MACF1: variants seen among roughly 807,000 people sequenced by gnomAD.
The protein encoded by MACF1 is microtubule actin crosslinking factor 1.
Under a neutral mutation model 854.8 loss-of-function variants are expected in MACF1, and 193 were observed. That is an observed-to-expected ratio of 0.23 (90% CI 0.20 to 0.25). MACF1 has a LOEUF of 0.25. Ranked by LOEUF, MACF1 falls within the 10% of genes least tolerant of loss-of-function variation. The pLI, the probability that MACF1 is intolerant of heterozygous loss-of-function variation, is 1.00. For missense variants in MACF1, 7,722 were observed against 8,929.1 expected (o/e 0.86, Z 5.45); for synonymous variants, 3,185 against 3,226.7 (o/e 0.99, Z 0.44).
Position 39,427,548 on chromosome 1 carries a change from G to A in MACF1, c.16410G>A (p.Lys5470=). The A allele has an allele frequency of 1.9e-6, 3 of 1,614,108 alleles. No homozygotes were observed. Among genetic ancestry groups the A allele is most frequent in the Non-Finnish European group, 2.5e-6 (3 of 1,180,000 alleles). ...ACTTCTTATCTGTCACAGAGAAAAA[G>A]CTTGCTAACTCAGAACCTGTTGGCA... ...ISDFLSVTEK[K]LANSEPVGTQ... The change falls in exon 62 of 101, where the codon AAG becomes AAA. Residue 5470 remains lysine (K), a synonymous_variant. Transcript: ENST00000564288.
rs1644515835 is a variant in MACF1 at position 39,459,755 on chromosome 1, C to T, written c.21360+506C>T. 2.6e-6 allele frequency: 3 copies of T among 1,148,394 alleles called. No individual in the cohort carries two copies. In the Admixed American group the frequency reaches 7.5e-5, roughly 29 times the overall value. The allele number at this position is 1,148,394 out of a possible 1,614,324, so 71.1% of individuals were successfully genotyped here. A position where few individuals can be genotyped will look rare whatever the true frequency, so the allele number is the denominator to read the frequency against. On this transcript the variant is annotated intron_variant, in intron 91 of 100. Coordinates refer to ENST00000564288, the MANE Select transcript of MACF1 (RefSeq NM_001394062.1). Reference sequence around the variant, plus strand: ...CCAGTATAAAAAATATAGTACTATGCTTCCTAGTTTCTAAAACAAGCCTCT... The same window carrying T: ...CCAGTATAAAAAATATAGTACTATGTTTCCTAGTTTCTAAAACAAGCCTCT...
intron 26 of MACF1, among the ~76,000 whole-genome samples, chr1:39,314,799 G>T (rs551579620): frequency 6.6e-6 from 1 of 152,274 alleles, no homozygotes; most frequent in South Asian, 2.1e-4. Context: ...ACTCACTGCA[G>T]TAAACAAACC....
At chr1:39,102,914 C>G (rs1241182322) in intron 2 of MACF1, 5 of 702,140 alleles carry the variant, frequency 7.1e-6, no homozygotes, top group East Asian at 5.4e-5. Context: ...TCCCATCCCC[C>G]CTGGCAGCCG....
At chr1:39,284,239 C>T (rs1195685312) in intron 10 of MACF1, 54 bp downstream of exon 10, 11 of 1,596,674 alleles carry the variant, frequency 6.9e-6, no homozygotes, top group Non-Finnish European at 9.4e-6. Context: ...GAGTAAGTCT[C>T]CAAGCTTATC....
intron 78 of MACF1, 73 bp downstream of exon 78, chr1:39,442,984 A>G: frequency 6.9e-7 from 1 of 1,443,858 alleles, no homozygotes. Context: ...CAGAGAGAAG[A>G]GATCAATTTG....
chr1:39,169,720 G>A (rs1412509786), intron 2 of MACF1, among the ~76,000 whole-genome samples: 1 of 149,900 alleles, frequency 6.7e-6, no homozygotes, highest in Non-Finnish European at 1.5e-5. Flanking sequence ...GTTCCTCATT[G>A]TGTCTTATCC....
chr1:39,359,289 G>GTAC (rs772465534), intron 47 of MACF1, 25 bp downstream of exon 47: 1 of 1,612,648 alleles, frequency 6.2e-7, no homozygotes, highest in African/African-American at 1.3e-5. Context: ...CAGTATAATA[G>GTAC]TACTCCCTTA....
intron 58 of MACF1, among the ~76,000 whole-genome samples, chr1:39,393,448 A>T (rs996919865): frequency 2.0e-5 from 3 of 151,626 alleles, no homozygotes; most frequent in Non-Finnish European, 4.4e-5. Context: ...CTTGTTTTTC[A>T]TATGTATTTA....
chr1:39,297,797 T>C, intron 21 of MACF1, 52 bp downstream of exon 21: 1 of 1,599,076 alleles, frequency 6.3e-7, no homozygotes, highest in Non-Finnish European at 8.5e-7. Flanking sequence ...GAGTAAACCA[T>C]ATCAGCTGCT....
chr1:39,111,508 G>A (rs189109176), intron 2 of MACF1, among the ~76,000 whole-genome samples: 5 of 151,758 alleles, frequency 3.3e-5, no homozygotes, highest in African/African-American at 7.3e-5. Flanking sequence ...TCAGCCTCCC[G>A]AGTAGCTGGG....
chr1:39,357,545 A>G lies in MACF1; in HGVS notation c.11595A>G (p.Ser3865=). Residue 3865 remains serine (S), a synonymous_variant, in exon 45 of 101, where the codon TCA becomes TCG. Transcript: ENST00000564288. ...AATACTCTACTTCCCTGGCCCAATC[A>G]GAGGCAGAACTGAAGCAGGTGCAGA... ...KEQYSTSLAQ[S]EAELKQVQTL... The G allele has an allele frequency of 6.2e-7, 1 of 1,614,192 alleles. No homozygotes were observed. Among genetic ancestry groups the G allele is most frequent in the Non-Finnish European group, 8.5e-7 (1 of 1,180,034 alleles).
intron 2 of MACF1, among the ~76,000 whole-genome samples, chr1:39,120,744 G>A (rs1174173218): frequency 6.6e-6 from 1 of 152,164 alleles, no homozygotes; most frequent in Non-Finnish European, 1.5e-5. Context: ...AGGTACATGA[G>A]ATGTTTTGAT....
intron 58 of MACF1, among the ~76,000 whole-genome samples, chr1:39,400,609 C>T (rs1642440901): frequency 6.6e-6 from 1 of 151,898 alleles, no homozygotes; most frequent in Non-Finnish European, 1.5e-5. Flanking sequence ...TAGGCTCAAG[C>T]GATCCTCCTG....
Position 39,334,645 on chromosome 1 carries a change from C to T in MACF1, c.8057C>T (p.Ala2686Val). 2 of 1,614,000 alleles carry T rather than the reference C, an allele frequency of 1.2e-6. No homozygotes were observed. Among genetic ancestry groups the T allele is most frequent in the South Asian group, 2.2e-5 (2 of 91,064 alleles). The part of the protein sequence containing the change: ...DFASTLKVLE[A>V]QANTGGIIDT... ...GCATCTACGCTGAAGGTTCTAGAAG[C>T]CCAGGCAAATACTGGTGGAATCATA... The change falls in exon 37 of 101, where the codon GCC (alanine) becomes GTC (valine). Residue 2686 changes from alanine (A) to valine (V), a missense_variant. Ala to Val is a moderately conservative substitution (Grantham distance 64). This residue lies in a region of MACF1 where 1,531 missense variants were observed against 1,601.6 expected (regional missense o/e 0.96). Coordinates refer to ENST00000564288, the MANE Select transcript of MACF1 (RefSeq NM_001394062.1).
At chr1:39,250,312 T>G (rs1645026684) in intron 3 of MACF1, 1 of 355,918 alleles carries the variant, frequency 2.8e-6, no homozygotes, top group African/African-American at 2.1e-5. Flanking sequence ...TATGTTCTCA[T>G]TTCTTGATGA....
At chr1:39,191,696 A>C (rs1411645341) in intron 2 of MACF1, among the ~76,000 whole-genome samples, 1 of 152,196 alleles carries the variant, frequency 6.6e-6, no homozygotes, top group Non-Finnish European at 1.5e-5. Flanking sequence ...TCCAAAGTAG[A>C]AGCTGTGGTC....
Position 39,293,483 on chromosome 1 carries a change from A to G in MACF1, c.2018A>G (p.His673Arg). Residue 673 changes from histidine (H) to arginine (R), a missense_variant, in exon 18 of 101, where the codon CAC becomes CGC. This residue lies in a region of MACF1 where 1,137 missense variants were observed against 1,263.0 expected (regional missense o/e 0.90). Coordinates refer to ENST00000564288, the MANE Select transcript of MACF1 (RefSeq NM_001394062.1). The stretch of plus-strand genomic sequence containing the variant: ...GAAACTTCTAGCTTCCGGATGAGGC[A>G]CCTTCAGAGCCTGCATAAATTTGTT... Reference protein sequence around the residue: ...LKETSSFRMRHLQSLHKFVSR... With the variant: ...LKETSSFRMRRLQSLHKFVSR... 2 of 1,613,164 alleles carry G rather than the reference A, an allele frequency of 1.2e-6. No individual in the cohort carries two copies. Among genetic ancestry groups the G allele is most frequent in the Non-Finnish European group, 1.7e-6 (2 of 1,179,448 alleles).
chr1:39,288,087 G>C (rs2148391330), intron 15 of MACF1, among the ~76,000 whole-genome samples: 1 of 152,110 alleles, frequency 6.6e-6, no homozygotes, highest in Admixed American at 6.5e-5. Flanking sequence ...GAGATATTTT[G>C]ATACAGGCAT....
At position 39,335,771 on chromosome 1, in the gene MACF1, A is replaced by G; in HGVS notation, c.9183A>G (p.Leu3061=). 6.2e-7 allele frequency: 1 copy of G among 1,614,196 alleles called. No individual in the cohort carries two copies. Among genetic ancestry groups the G allele is most frequent in the African/African-American group, 1.3e-5 (1 of 75,048 alleles). The change falls in exon 37 of 101, where the codon TTA becomes TTG. Residue 3061 remains leucine, a synonymous_variant. Coordinates refer to ENST00000564288, the MANE Select transcript of MACF1 (RefSeq NM_001394062.1). ...QGISVKHLDA[L]TLFSSKQANE... ...TTTCTGTAAAACATTTAGATGCTTTAACACTCTTCAGCTCTAAACAGGCCA... is the reference window on the plus strand; with the variant it reads ...TTTCTGTAAAACATTTAGATGCTTTGACACTCTTCAGCTCTAAACAGGCCA...
Sources: allele counts gnomAD v4.1 joint callset (sites outside exome capture counted in the v4.1 genomes callset), GRCh38; gene constraint gnomAD v4.1.1; regional missense constraint gnomAD v4.1.1; transcripts MANE v1.5; gene names NCBI Gene and HGNC (gene_info 2026-07-23, HGNC 2026-07-21).